The following SLC30A7 variants were observed in gnomAD, a reference collection of about 807,000 sequenced individuals.
The protein encoded by SLC30A7 is solute carrier family 30 member 7.
In SLC30A7, 35 loss-of-function variants were observed where a neutral mutation model predicts 46.0. The ratio of observed to expected loss-of-function variants is 0.76; its 90% CI spans 0.58 to 1.01. The LOEUF is 1.01. Among genes scored for constraint, SLC30A7 ranks in the 50% least tolerant of loss-of-function variants. The pLI, the probability that SLC30A7 is intolerant of heterozygous loss-of-function variation, is 0.00. For synonymous variants in SLC30A7, 147 were observed against 157.8 expected (o/e 0.93, Z 0.51); for missense variants, 464 against 451.1 (o/e 1.03, Z -0.26).
chr1:100,966,587 A>C (rs1178173239), intron 10 of SLC30A7, among the ~76,000 whole-genome samples: 1 of 152,150 alleles, frequency 6.6e-6, no homozygotes, highest in East Asian at 1.9e-4. Context: ...CTCGGTCTCA[A>C]AGAAAAAAGA....
At position 100,976,636 on chromosome 1, in the gene SLC30A7, T is replaced by C. The variant is rs2101107366; in HGVS notation, c.*1779T>C. 1 of 152,562 alleles carries C rather than the reference T, an allele frequency of 6.6e-6. No homozygotes were observed. The highest frequency in any genetic ancestry group is 2.1e-4 in the South Asian group (1 of 4,820). The allele number at this position is 152,562 out of a possible 1,614,324, so 9.5% of individuals were successfully genotyped here. On this transcript the variant is annotated 3_prime_UTR_variant, in exon 11 of 11. Coordinates refer to ENST00000357650, the MANE Select transcript of SLC30A7 (RefSeq NM_133496.5). ...ATGTGGGAGAAAAAACCCTGCAGGA[T>C]GGAAACAATTATTAAGAATGTAGAT...
At chr1:100,956,732 T>C (rs1338590244) in intron 8 of SLC30A7, among the ~76,000 whole-genome samples, 1 of 152,250 alleles carries the variant, frequency 6.6e-6, no homozygotes, top group African/African-American at 2.4e-5. Flanking sequence ...TGCCTTCTGT[T>C]GCAGTTGAGT....
downstream of SLC30A7, among the ~76,000 whole-genome samples, chr1:100,982,936 G>A (rs958555222): frequency 2.0e-5 from 3 of 152,122 alleles, no homozygotes; most frequent in Admixed American, 6.5e-5. Flanking sequence ...AGCCTCTTCT[G>A]TTTACACACT....
intron 8 of SLC30A7, among the ~76,000 whole-genome samples, chr1:100,924,612 A>C (rs1033551343): frequency 1.6e-4 from 24 of 151,128 alleles, no homozygotes; most frequent in African/African-American, 5.8e-4. Flanking sequence ...CTCAAGCTCC[A>C]TTAGGGCAAA....
At chr1:100,974,666 C>A in intron 10 of SLC30A7, 144 bp from the exon 11 acceptor site, 1 of 536,496 alleles carries the variant, frequency 1.9e-6, no homozygotes, top group Non-Finnish European at 3.0e-6. Context: ...TTTTTTGTAG[C>A]TTATGAATAT....
At chr1:100,966,411 GTC>G (rs1655878378) in intron 10 of SLC30A7, among the ~76,000 whole-genome samples, 1 of 151,632 alleles carries the variant, frequency 6.6e-6, no homozygotes. Flanking sequence ...GTGAGACCCC[GTC>G]TCTCTACTAA....
chr1:100,948,722 C>A (rs1256904739), intron 8 of SLC30A7, among the ~76,000 whole-genome samples: 1 of 152,132 alleles, frequency 6.6e-6, no homozygotes, highest in African/African-American at 2.4e-5. Flanking sequence ...TCCTGTATTT[C>A]TTGGAGGCTT....
chr1:100,974,997 C>T lies in SLC30A7; in HGVS notation c.*140C>T, dbSNP rs1656385966. 3.8e-6 allele frequency: 2 copies of T among 531,220 alleles called. No individual in the cohort carries two copies. Among genetic ancestry groups the T allele is most frequent in the Non-Finnish European group, 6.4e-6 (2 of 313,294 alleles). 32.9% of individuals were successfully genotyped at this position (531,220 alleles called of 1,614,324 possible). On this transcript the variant is annotated 3_prime_UTR_variant, in exon 11 of 11. Transcript: ENST00000357650. Reference sequence around the variant, plus strand: ...ACTAAGTAGACGGGGTAGAGTCAGCCGTTCATGCTTTGTGGGGAGTTCACA... The same window carrying T: ...ACTAAGTAGACGGGGTAGAGTCAGCTGTTCATGCTTTGTGGGGAGTTCACA...
chr1:100,953,819 T>A (rs1246180129), intron 8 of SLC30A7, among the ~76,000 whole-genome samples: 1 of 152,220 alleles, frequency 6.6e-6, no homozygotes, highest in Non-Finnish European at 1.5e-5. Flanking sequence ...AGTTTCTTAT[T>A]CATAAAAATG....
chr1:100,919,486 A>T (rs1436331185), intron 7 of SLC30A7, among the ~76,000 whole-genome samples: 2 of 152,116 alleles, frequency 1.3e-5, no homozygotes, highest in Non-Finnish European at 2.9e-5. Flanking sequence ...ATTTATTTTC[A>T]GAAGGCTTAA....
intron 8 of SLC30A7, among the ~76,000 whole-genome samples, chr1:100,961,014 G>T (rs1655517724): frequency 6.9e-6 from 1 of 144,370 alleles, no homozygotes; most frequent in Non-Finnish European, 1.5e-5. Context: ...GAGTGCAGTG[G>T]TGCGATCTCG....
Position 100,913,676 on chromosome 1 carries a change from T to G in SLC30A7, c.525T>G (p.Ser175Arg). The G allele has an allele frequency of 6.2e-7, 1 of 1,613,884 alleles. No homozygotes were observed. The highest frequency in any genetic ancestry group is 8.5e-7 in the Non-Finnish European group (1 of 1,179,776). ...TTTGTTTTCTAGGCCACGGACACAG[T>G]CATTCCCTCTTTAATGGTGCTCTAG... ...GHSHGSGHGHSHSLFNGALDQ... is the reference protein window; with the variant it reads ...GHSHGSGHGHRHSLFNGALDQ... Residue 175 changes from serine (S) to arginine (R), a missense_variant, in exon 6 of 11, where the codon AGT becomes AGG. Physicochemically the swap from Ser to Arg is moderately radical, Grantham distance 110. Transcript: ENST00000357650.
the SLC30A7 span, chr1:100,990,162 C>T: frequency 2.1e-5 from 10 of 485,850 alleles, no homozygotes; most frequent in African/African-American, 3.9e-5. Flanking sequence ...CTTCACAGGG[C>T]GGCAAGAGTG....
intron 8 of SLC30A7, among the ~76,000 whole-genome samples, chr1:100,952,378 T>C (rs1655003428): frequency 6.6e-6 from 1 of 152,194 alleles, no homozygotes; most frequent in Admixed American, 6.5e-5. Context: ...TTGTTGTGTG[T>C]GACTTAAATG....
chr1:100,992,794 G>T, the SLC30A7 span: 4 of 1,237,088 alleles, frequency 3.2e-6, no homozygotes, highest in African/African-American at 3.0e-5. Flanking sequence ...TACATAATAT[G>T]TTATTAATGC....
At chr1:100,970,972 T>C (rs1428734122) in intron 10 of SLC30A7, among the ~76,000 whole-genome samples, 1 of 152,176 alleles carries the variant, frequency 6.6e-6, no homozygotes, top group African/African-American at 2.4e-5. Flanking sequence ...TATTTACTCC[T>C]TGATAGAACT....
In SLC30A7 at chr1:100,912,195, A is replaced by G. The variant is rs928914027; in HGVS notation, c.468A>G (p.Ile156Met). 29 of 1,613,874 alleles carry G rather than the reference A, an allele frequency of 1.8e-5. No individual in the cohort carries two copies. Among genetic ancestry groups the G allele is most frequent in the Non-Finnish European group, 2.5e-5 (29 of 1,179,904 alleles). Residue 156 changes from isoleucine to methionine, a missense_variant, in exon 5 of 11, where the codon ATA becomes ATG. Coordinates refer to ENST00000357650, the MANE Select transcript of SLC30A7 (RefSeq NM_133496.5). ...GGTTTGTGGTAAACCTAATAGGAATATTTGTTTTCAAACATGGAGGTCATG... is the reference window on the plus strand; with the variant it reads ...GGTTTGTGGTAAACCTAATAGGAATGTTTGTTTTCAAACATGGAGGTCATG... Reference protein sequence around the residue: ...ILGFVVNLIGIFVFKHGGHGH... With the variant: ...ILGFVVNLIGMFVFKHGGHGH...
At chr1:100,966,713 T>C (rs1191282134) in intron 10 of SLC30A7, among the ~76,000 whole-genome samples, 9 of 152,234 alleles carry the variant, frequency 5.9e-5, no homozygotes, top group Non-Finnish European at 8.8e-5. Flanking sequence ...ATTGTACTTA[T>C]TTGAGTTCCT....
intron 2 of SLC30A7, among the ~76,000 whole-genome samples, chr1:100,901,477 C>T (rs977385110): frequency 2.0e-5 from 3 of 151,988 alleles, no homozygotes; most frequent in Admixed American, 6.6e-5. Context: ...TTTTTTAAGA[C>T]GGAGTCTTAC....
Sources: allele counts gnomAD v4.1 joint callset (sites outside exome capture counted in the v4.1 genomes callset), GRCh38; gene constraint gnomAD v4.1.1; transcripts MANE v1.5; gene names NCBI Gene and HGNC (gene_info 2026-07-23, HGNC 2026-07-21).